STXBP6: variants seen among roughly 807,000 people sequenced by gnomAD.
STXBP6 encodes syntaxin binding protein 6, also known as syntaxin-binding protein 6.
Under a neutral mutation model 26.9 loss-of-function variants are expected in STXBP6, and 21 were observed. The ratio of observed to expected loss-of-function variants is 0.78; its 90% CI spans 0.55 to 1.12. The LOEUF (loss-of-function observed/expected upper bound fraction) is 1.12. STXBP6 is among the 50% of genes most tolerant of loss of function. The pLI is 0.00. For synonymous variants in STXBP6, 97 were observed against 92.6 expected, an observed-to-expected ratio of 1.05 and a Z score of -0.27; for missense variants, 232 against 257.9, an observed-to-expected ratio of 0.90 and a Z score of 0.69.
chr14:24,856,991 A>C (rs754831191), intron 3 of STXBP6, 36 bp downstream of exon 3: 1 of 1,601,466 alleles, frequency 6.2e-7, no homozygotes, highest in South Asian at 1.1e-5. Flanking sequence ...TCTTGTGAAA[A>C]GAATGCCTTT....
intron 2 of STXBP6, among the ~76,000 whole-genome samples, chr14:24,868,342 G>A (rs1315655410): frequency 6.6e-6 from 1 of 152,052 alleles, no homozygotes; most frequent in Non-Finnish European, 1.5e-5. Context: ...CACATAAAAG[G>A]ATGTTCAACA....
At chr14:24,857,501 A>T (rs1430296303) in intron 2 of STXBP6, among the ~76,000 whole-genome samples, 1 of 152,096 alleles carries the variant, frequency 6.6e-6, no homozygotes, top group African/African-American at 2.4e-5. Context: ...CTTGCAGGAA[A>T]AGAAGCATAT....
At chr14:24,980,185 G>T (rs887680295) in intron 1 of STXBP6, among the ~76,000 whole-genome samples, 6 of 152,042 alleles carry the variant, frequency 3.9e-5, no homozygotes, top group African/African-American at 1.4e-4. Flanking sequence ...ACTTTAACAG[G>T]TAGTCAGAAA....
chr14:24,862,844 C>G (rs374944543), intron 2 of STXBP6, among the ~76,000 whole-genome samples: 9 of 152,278 alleles, frequency 5.9e-5, no homozygotes, highest in African/African-American at 2.2e-4. Context: ...GAGTAGTTAG[C>G]AACTATGCAA....
chr14:24,895,111 T>C (rs188099736), intron 2 of STXBP6, among the ~76,000 whole-genome samples: 1 of 152,334 alleles, frequency 6.6e-6, no homozygotes, highest in Non-Finnish European at 1.5e-5. Context: ...AGCTACTAAA[T>C]GTTCCCAAGA....
chr14:24,876,466 A>G (rs1311519636), intron 2 of STXBP6, among the ~76,000 whole-genome samples: 2 of 152,202 alleles, frequency 1.3e-5, no homozygotes, highest in African/African-American at 2.4e-5. Context: ...GCCCCTGCCC[A>G]GGCTCTGACA....
chr14:24,961,122 A>G (rs1243805340), intron 2 of STXBP6, among the ~76,000 whole-genome samples: 3 of 152,208 alleles, frequency 2.0e-5, no homozygotes, highest in African/African-American at 7.2e-5. Context: ...CTAATATGGC[A>G]TTTATATACT....
At chr14:24,913,538 T>A (rs999864728) in intron 2 of STXBP6, among the ~76,000 whole-genome samples, 31 of 152,182 alleles carry the variant, frequency 2.0e-4, no homozygotes, top group African/African-American at 7.2e-4. Context: ...ATATTGTATG[T>A]GTCCGAGGCT....
chr14:25,027,419 A>T (rs1010587163), intron 1 of STXBP6, among the ~76,000 whole-genome samples: 1 of 152,288 alleles, frequency 6.6e-6, no homozygotes, highest in Middle Eastern at 3.4e-3. Flanking sequence ...CATGCCCAAA[A>T]ATGACAGTGA....
Position 25,010,034 on chromosome 14 carries a change from CA to C in STXBP6, c.-32-35185del, listed in dbSNP as rs139104440. Among the ~76,000 whole-genome samples the C allele has an allele frequency of 8.6e-3, 1,315 of 152,290 alleles. 20 individuals are homozygous for C. The highest frequency in any genetic ancestry group is 0.03 in the African/African-American group (1,263 of 41,562). On this transcript the variant is annotated intron_variant, in intron 1 of 5. Coordinates refer to ENST00000323944, the MANE Select transcript of STXBP6 (RefSeq NM_001394410.1). ...AAAGGAAAAGAGGTCTTCAGAGCTT[CA>C]AAAGCACACTTGGAGATTCGGACAC...
chr14:24,937,378 A>G (rs576633850), intron 2 of STXBP6, among the ~76,000 whole-genome samples: 1 of 152,376 alleles, frequency 6.6e-6, no homozygotes, highest in South Asian at 2.1e-4. Context: ...TTAGAATTAG[A>G]CTTATATATG....
At chr14:24,837,187 A>G (rs1178834894) in intron 4 of STXBP6, among the ~76,000 whole-genome samples, 1 of 152,216 alleles carries the variant, frequency 6.6e-6, no homozygotes, top group Non-Finnish European at 1.5e-5. Context: ...GGGAGGATGA[A>G]AGAAAATAGG....
chr14:24,975,530 A>T lies in STXBP6; in HGVS notation c.-32-680T>A, dbSNP rs575928647. 2.3e-3 allele frequency among the ~76,000 whole-genome samples: 347 copies of T among 152,292 alleles called. 2 individuals carry two copies. The highest frequency in any genetic ancestry group is 7.9e-3 in the African/African-American group (328 of 41,546). On this transcript the variant is annotated intron_variant, in intron 1 of 5. Transcript: ENST00000323944. ...ACACTCCACATTTTCCTTCAGCCAAAATGGATACATAATTCTAAAAACATA... is the reference window on the plus strand; with the variant it reads ...ACACTCCACATTTTCCTTCAGCCAATATGGATACATAATTCTAAAAACATA...
At chr14:24,973,378 C>T (rs202156055) in intron 2 of STXBP6, among the ~76,000 whole-genome samples, 4 of 105,422 alleles carry the variant, frequency 3.8e-5, no homozygotes, top group South Asian at 3.1e-4. Context: ...AAGCTTTCTT[C>T]CTTTTTTTTT....
intron 1 of STXBP6, among the ~76,000 whole-genome samples, chr14:25,019,587 C>CA (rs2075223291): frequency 6.6e-6 from 1 of 152,182 alleles, no homozygotes; most frequent in Admixed American, 6.5e-5. Flanking sequence ...AGCTATAAGA[C>CA]ATTTCATTCC....
chr14:24,857,472 T>C (rs1401287331), intron 2 of STXBP6, among the ~76,000 whole-genome samples: 1 of 152,046 alleles, frequency 6.6e-6, no homozygotes, highest in Non-Finnish European at 1.5e-5. Context: ...CAATGGAGGC[T>C]ATAAGTGCAC....
intron 2 of STXBP6, among the ~76,000 whole-genome samples, chr14:24,872,567 AAGGCC>A (rs1238388581): frequency 6.6e-6 from 1 of 152,226 alleles, no homozygotes; most frequent in Non-Finnish European, 1.5e-5. Flanking sequence ...GTGACTAACA[AAGGCC>A]ACTTTAGGGT....
intron 2 of STXBP6, among the ~76,000 whole-genome samples, chr14:24,957,594 T>C (rs113894387): frequency 1.8e-4 from 28 of 152,260 alleles, no homozygotes; most frequent in Non-Finnish European, 3.2e-4. Flanking sequence ...ATGTGAATGA[T>C]GACGGAACTA....
At chr14:24,880,624 G>T (rs2139422332) in intron 2 of STXBP6, among the ~76,000 whole-genome samples, 1 of 152,226 alleles carries the variant, frequency 6.6e-6, no homozygotes, top group South Asian at 2.1e-4. Context: ...AAAATGAAAG[G>T]TAAAGGGAGC....
Sources: allele counts gnomAD v4.1 joint callset (sites outside exome capture counted in the v4.1 genomes callset), GRCh38; gene constraint gnomAD v4.1.1; transcripts MANE v1.5; gene names NCBI Gene and HGNC (gene_info 2026-07-23, HGNC 2026-07-21).